The following IPMK variants were observed in gnomAD, a reference collection of about 807,000 sequenced individuals.
The protein encoded by IPMK is inositol 1,3,4,6-tetrakisphosphate 5-kinase.
A neutral mutation model predicts 45.8 loss-of-function variants in IPMK; 17 were observed. The ratio of observed to expected loss-of-function variants is 0.37; its 90% confidence interval spans 0.25 to 0.56. The LOEUF (loss-of-function observed/expected upper bound fraction) is 0.56. Among genes scored for constraint, IPMK ranks in the 20% least tolerant of loss-of-function variants. The probability of loss-of-function intolerance (pLI) is 0.79; values close to 1 mark genes in which losing one functional copy is unlikely to be tolerated. For synonymous variants in IPMK, 180 were observed against 184.3 expected, an observed-to-expected ratio of 0.98 and a Z score of 0.19; for missense variants, 399 against 498.0, an observed-to-expected ratio of 0.80 and a Z score of 1.89.
chr10:58,247,752 A>G (rs867011045), intron 1 of IPMK, among the ~76,000 whole-genome samples: 1 of 152,288 alleles, frequency 6.6e-6, no homozygotes, highest in East Asian at 1.9e-4. Context: ...ACATGTATAC[A>G]TATGTAACTA....
chr10:58,200,229 G>C (rs1237143127), intron 4 of IPMK, among the ~76,000 whole-genome samples: 1 of 151,972 alleles, frequency 6.6e-6, no homozygotes, highest in African/African-American at 2.4e-5. Context: ...AGTGATTCTT[G>C]AGCCTCAGCC....
At chr10:58,219,490 A>G (rs1210221447) in intron 3 of IPMK, among the ~76,000 whole-genome samples, 1 of 152,214 alleles carries the variant, frequency 6.6e-6, no homozygotes, top group Non-Finnish European at 1.5e-5. Context: ...CCTAGAAGAG[A>G]GTTTAATTCA....
At chr10:58,240,906 T>C (rs925146016) in intron 1 of IPMK, among the ~76,000 whole-genome samples, 2 of 152,136 alleles carry the variant, frequency 1.3e-5, no homozygotes, top group East Asian at 3.9e-4. Context: ...CCATCAGAGG[T>C]ACAGGCATTA....
chr10:58,225,350 A>G (rs1162632562), intron 3 of IPMK, among the ~76,000 whole-genome samples: 1 of 152,196 alleles, frequency 6.6e-6, no homozygotes, highest in Non-Finnish European at 1.5e-5. Flanking sequence ...ATATTTGTAA[A>G]TAACCAAGAT....
chr10:58,233,856 T>C (rs1047320681), intron 2 of IPMK, among the ~76,000 whole-genome samples: 1 of 152,154 alleles, frequency 6.6e-6, no homozygotes, highest in Non-Finnish European at 1.5e-5. Context: ...GGCATTCAGT[T>C]AGGAAATGAG....
Position 58,195,262 on chromosome 10 carries a change from G to T in IPMK, c.*814C>A, listed in dbSNP as rs1252481363. On this transcript the variant is annotated 3_prime_UTR_variant, in exon 6 of 6. Coordinates refer to ENST00000373935, the MANE Select transcript of IPMK (RefSeq NM_152230.5). ...TTTGAAGCTGCATTTAGATACAAAG[G>T]TATATGGTTTATGATACTTTCACAA... 2 of 151,874 alleles carry T rather than the reference G, an allele frequency of 1.3e-5. No individual in the cohort carries two copies. The highest frequency in any genetic ancestry group is 4.8e-5 in the African/African-American group (2 of 41,382). The allele number at this position is 151,874 out of a possible 1,614,324, so 9.4% of individuals were successfully genotyped here.
intron 2 of IPMK, among the ~76,000 whole-genome samples, chr10:58,237,049 C>T (rs1243160823): frequency 2.0e-5 from 3 of 152,140 alleles, no homozygotes; most frequent in African/African-American, 4.8e-5. Flanking sequence ...GCACTTCAGC[C>T]TGGGCAACAG....
At chr10:58,229,092 C>G (rs1043289336) in intron 2 of IPMK, among the ~76,000 whole-genome samples, 1 of 152,110 alleles carries the variant, frequency 6.6e-6, no homozygotes, top group Non-Finnish European at 1.5e-5. Flanking sequence ...GCTTACTTCT[C>G]TCTCCCCCAA....
At chr10:58,265,523 C>G (rs1406745095) in intron 1 of IPMK, among the ~76,000 whole-genome samples, 3 of 152,066 alleles carry the variant, frequency 2.0e-5, no homozygotes, top group African/African-American at 7.2e-5. Context: ...AGTCAAGTAT[C>G]CTTTTACTTA....
chr10:58,245,372 G>A (rs1838781289), intron 1 of IPMK, among the ~76,000 whole-genome samples: 1 of 151,970 alleles, frequency 6.6e-6, no homozygotes, highest in Non-Finnish European at 1.5e-5. Context: ...CCAGTACTCT[G>A]GGAGGCCAAG....
rs139982255 is a variant in IPMK at position 58,199,303 on chromosome 10, C to T, written c.565G>A (p.Asp189Asn). ...TGCTGGTTTTCTGTCTCATAGCTAT[C>T]GGAATGAACATGATAAACCTGTCAA... The part of the protein sequence containing the change: ...LGMRVYHVHS[D>N]SYETENQHYG... The change falls in exon 5 of 6, where the codon GAT (aspartate) becomes AAT (asparagine). Residue 189 changes from aspartate (D) to asparagine (N), a missense_variant. By Grantham distance (23) the Asp-to-Asn change is conservative (BLOSUM62 1). Around this residue, in one of 2 missense-constraint regions of IPMK, gnomAD observed 288 missense variants for 398.0 expected, o/e 0.72. Coordinates refer to ENST00000373935, the MANE Select transcript of IPMK (RefSeq NM_152230.5). 24 of 1,606,514 alleles carry T rather than the reference C, an allele frequency of 1.5e-5. No homozygotes were observed. The highest frequency in any genetic ancestry group is 2.2e-5 in the East Asian group (1 of 44,716).
At chr10:58,211,901 C>CAAAAAAAAAAAAAAAAAAAAAAAAAAAA (rs753050298) in intron 4 of IPMK, among the ~76,000 whole-genome samples, 29 of 50,364 alleles carry the variant, frequency 5.8e-4, no homozygotes, top group East Asian at 1.5e-3. Context: ...GACATCTCAC[C>CAAAAAAAAAAAAAAAAAAAAAAAAAAAA]AAAAAAAAAA....
rs373891133 is a variant in IPMK at position 58,194,513 on chromosome 10, A to T, written c.*1563T>A. On this transcript the variant is annotated 3_prime_UTR_variant, in exon 6 of 6. Transcript: ENST00000373935. ...TTCAGGTTTAATAGATTTACTAAGG[A>T]TAGAGTTCATAGAGCATTTAGTTGG... 9.9e-5 allele frequency: 15 copies of T among 152,010 alleles called. No individual in the cohort carries two copies. Among genetic ancestry groups the T allele is most frequent in the Admixed American group, 8.5e-4 (13 of 15,284 alleles). The allele number at this position is 152,010 out of a possible 1,614,324, so 9.4% of individuals were successfully genotyped here. A position where few individuals can be genotyped will look rare whatever the true frequency, so the allele number is the denominator to read the frequency against.
Position 58,267,586 on chromosome 10 carries a change from AG to A in IPMK, c.25del (p.Leu9SerfsTer66). Reference protein sequence around the residue: MATEPPSPLRVEAPGPPEM... With the variant: MATEPPSPXRVEAPGPPEM... ...TGGGGGGCCCGGCGCCTCGACCCGG[AG>A]GGGGGATGGTGGCTCTGTTGCCATA... On this transcript the variant is annotated frameshift_variant, in exon 1 of 6. Transcript: ENST00000373935. LOFTEE classifies it high-confidence loss of function. The A allele has an allele frequency of 1.2e-6, 2 of 1,604,088 alleles. No homozygotes were observed. The highest frequency in any genetic ancestry group is 1.7e-6 in the Non-Finnish European group (2 of 1,175,758).
intron 3 of IPMK, among the ~76,000 whole-genome samples, chr10:58,221,706 A>C (rs909096619): frequency 4.7e-5 from 7 of 149,744 alleles, no homozygotes; most frequent in Admixed American, 1.3e-4. Flanking sequence ...CTACAGGTGC[A>C]TGTCACCACA....
intron 2 of IPMK, among the ~76,000 whole-genome samples, chr10:58,235,707 T>G (rs1042515317): frequency 2.0e-5 from 3 of 152,096 alleles, no homozygotes; most frequent in African/African-American, 7.2e-5. Flanking sequence ...AAATACCTAA[T>G]GTAAATGACG....
chr10:58,263,385 A>G (rs1839102528), intron 1 of IPMK, among the ~76,000 whole-genome samples: 1 of 152,090 alleles, frequency 6.6e-6, no homozygotes. Context: ...TTAGCCAGGC[A>G]TGGTGGTGCA....
intron 4 of IPMK, among the ~76,000 whole-genome samples, chr10:58,207,635 A>T (rs557645343): frequency 7.2e-5 from 11 of 152,232 alleles, no homozygotes; most frequent in South Asian, 4.2e-4. Context: ...TCAGTGGAGT[A>T]CTGAAGTGCC....
intron 4 of IPMK, among the ~76,000 whole-genome samples, chr10:58,207,578 C>T (rs1365952963): frequency 1.3e-5 from 2 of 152,096 alleles, no homozygotes; most frequent in Non-Finnish European, 2.9e-5. Flanking sequence ...AGTTTAAGTC[C>T]ATTGTTTCTT....
Sources: gnomAD v4.1 joint callset for allele counts (sites outside exome capture counted in the v4.1 genomes callset) on GRCh38, gnomAD v4.1.1 for gene constraint, gnomAD v4.1.1 regional missense constraint, MANE v1.5 for transcripts, NCBI Gene and HGNC (gene_info 2026-07-23, HGNC 2026-07-21) for gene names.